The following ERBIN variants were observed in gnomAD, a reference collection of about 807,000 sequenced individuals.
The protein encoded by ERBIN is densin-180-like protein.
ERBIN carries 60 observed loss-of-function variants against 158.4 expected under a neutral mutation model. The observed-to-expected ratio is 0.38, with a 90% CI of 0.31 to 0.47. The LOEUF (loss-of-function observed/expected upper bound fraction) is 0.47, where lower values mean the gene tolerates loss of function less well. Among genes scored for constraint, ERBIN ranks in the 20% least tolerant of loss-of-function variants. The pLI is 0.99. For synonymous variants in ERBIN, 594 were observed against 557.2 expected, an observed-to-expected ratio of 1.07 and a Z score of -0.93; for missense variants, 1,610 against 1,648.0, an observed-to-expected ratio of 0.98 and a Z score of 0.40.
intron 21 of ERBIN, among the ~76,000 whole-genome samples, chr5:66,069,439 C>T (rs896897848): frequency 2.0e-5 from 3 of 152,160 alleles, no homozygotes; most frequent in African/African-American, 7.2e-5. Flanking sequence ...AAGCACTACC[C>T]TGAACTAATG....
intron 21 of ERBIN, among the ~76,000 whole-genome samples, chr5:66,059,566 A>G (rs1010483802): frequency 3.9e-5 from 6 of 152,188 alleles, no homozygotes; most frequent in Admixed American, 1.3e-4. Context: ...CAGAATTTCC[A>G]ACACTATGTT....
At chr5:66,016,326 TTACTATGTGATATCATAGGC>T in intron 7 of ERBIN, among the ~76,000 whole-genome samples, 2 of 152,250 alleles carry the variant, frequency 1.3e-5, no homozygotes, top group Non-Finnish European at 2.9e-5. Flanking sequence ...AAGCCTATAA[TTACTATGTGATATCATAGGC>T]AATTAACTGA....
chr5:66,058,750 A>G (rs1198749056), intron 21 of ERBIN, among the ~76,000 whole-genome samples: 5 of 149,856 alleles, frequency 3.3e-5, no homozygotes, highest in East Asian at 3.9e-4. Flanking sequence ...AGCTTTCTCC[A>G]TATGGCTAGC....
intron 1 of ERBIN, among the ~76,000 whole-genome samples, chr5:65,976,951 A>C (rs1247927329): frequency 6.6e-6 from 1 of 152,068 alleles, no homozygotes; most frequent in African/African-American, 2.4e-5. Flanking sequence ...CCGATTTCTC[A>C]ATCTTTTCCC....
Position 66,026,774 on chromosome 5 carries a change from A to G in ERBIN, c.1136+357A>G, listed in dbSNP as rs1756302061. On this transcript the variant is annotated intron_variant, in intron 13 of 25. Coordinates refer to ENST00000284037, the MANE Select transcript of ERBIN (RefSeq NM_001253697.2). ...AGTGGTCTTATTTTATCTGATGTTA[A>G]TTTATCATACGGTGGTTGTTACTGT... Among the ~76,000 whole-genome samples, 3 of 151,938 alleles carry G rather than the reference A, an allele frequency of 2.0e-5. No individual in the cohort carries two copies. The South Asian group carries it at 6.2e-4, about 31-fold the overall frequency.
At chr5:66,040,141 TC>T (rs1406593394) in intron 15 of ERBIN, among the ~76,000 whole-genome samples, 2 of 151,940 alleles carry the variant, frequency 1.3e-5, no homozygotes, top group African/African-American at 4.8e-5. Context: ...TAACTTCTCA[TC>T]TTTACAATAA....
chr5:66,034,473 G>A (rs1352275583), intron 14 of ERBIN, among the ~76,000 whole-genome samples: 1 of 151,918 alleles, frequency 6.6e-6, no homozygotes, highest in Non-Finnish European at 1.5e-5. Flanking sequence ...TTTTAGTAGA[G>A]ACGGAGTTTC....
chr5:66,041,185 C>G (rs777832442), intron 15 of ERBIN, among the ~76,000 whole-genome samples: 1 of 151,778 alleles, frequency 6.6e-6, no homozygotes, highest in South Asian at 2.1e-4. Context: ...TTACAAGGAG[C>G]AAAAGAAAGG....
chr5:66,062,446 A>T (rs1029603930), intron 21 of ERBIN, among the ~76,000 whole-genome samples: 6 of 151,752 alleles, frequency 4.0e-5, no homozygotes, highest in African/African-American at 9.7e-5. Flanking sequence ...CATTAGTCTA[A>T]TTTTTTTTCA....
chr5:66,049,566 TAAC>T (rs1323895205), intron 19 of ERBIN, among the ~76,000 whole-genome samples: 1 of 152,078 alleles, frequency 6.6e-6, no homozygotes. Flanking sequence ...AGAAAGAACT[TAAC>T]AACCATCTAT....
chr5:66,038,751 A>G (rs1326584950), intron 15 of ERBIN, among the ~76,000 whole-genome samples: 2 of 152,096 alleles, frequency 1.3e-5, no homozygotes, highest in Non-Finnish European at 1.5e-5. Context: ...GCTGTATGCT[A>G]GGAATACATG....
chr5:65,935,259 T>C (rs1580061895), intron 1 of ERBIN, among the ~76,000 whole-genome samples: 1 of 152,208 alleles, frequency 6.6e-6, no homozygotes, highest in East Asian at 1.9e-4. Flanking sequence ...AAATGATGGG[T>C]TTATCCAGAT....
At chr5:66,011,454 G>A (rs1228623711) in intron 4 of ERBIN, among the ~76,000 whole-genome samples, 7 of 152,136 alleles carry the variant, frequency 4.6e-5, no homozygotes, top group African/African-American at 1.4e-4. Flanking sequence ...TTGGGAGATC[G>A]AGGTGGGTGG....
intron 4 of ERBIN, among the ~76,000 whole-genome samples, chr5:65,998,232 A>T (rs2151066334): frequency 6.9e-6 from 1 of 145,450 alleles, no homozygotes; most frequent in East Asian, 2.0e-4. Context: ...TCAAAAAAAA[A>T]TATATATATA....
intron 1 of ERBIN, among the ~76,000 whole-genome samples, chr5:65,970,422 A>G (rs1749119295): frequency 1.3e-5 from 2 of 152,274 alleles, no homozygotes; most frequent in East Asian, 1.9e-4. Context: ...TCATTCCTAT[A>G]TATTTCAAAG....
At chr5:66,045,001 G>A (rs1758287061) in intron 17 of ERBIN, among the ~76,000 whole-genome samples, 2 of 152,028 alleles carry the variant, frequency 1.3e-5, no homozygotes, top group Admixed American at 1.3e-4. Flanking sequence ...AGTCACTGGA[G>A]GCCAGGAGTT....
At chr5:65,942,687 G>A (rs1745203359) in intron 1 of ERBIN, among the ~76,000 whole-genome samples, 1 of 152,200 alleles carries the variant, frequency 6.6e-6, no homozygotes, top group Non-Finnish European at 1.5e-5. Flanking sequence ...CACTTTGGGA[G>A]GCTGAGGCAG....
At chr5:65,980,807 C>G (rs551614644) in intron 1 of ERBIN, among the ~76,000 whole-genome samples, 6 of 151,814 alleles carry the variant, frequency 4.0e-5, no homozygotes, top group African/African-American at 1.5e-4. Flanking sequence ...TAATGAATCT[C>G]CAACATACAT....
At chr5:65,959,608 A>G (rs907094452) in intron 1 of ERBIN, among the ~76,000 whole-genome samples, 8 of 152,330 alleles carry the variant, frequency 5.3e-5, no homozygotes, top group African/African-American at 1.2e-4. Context: ...TGAATACAAC[A>G]TTGGAATTAC....
Sources: allele counts gnomAD v4.1 joint callset (sites outside exome capture counted in the v4.1 genomes callset), GRCh38; gene constraint gnomAD v4.1.1; transcripts MANE v1.5; gene names NCBI Gene and HGNC (gene_info 2026-07-23, HGNC 2026-07-21).